PARD3B: variants seen among roughly 807,000 people sequenced by gnomAD.
PARD3B encodes par-3 family cell polarity regulator beta.
In PARD3B, 103 loss-of-function variants were observed where a neutral mutation model predicts 130.2. That is an observed-to-expected ratio of 0.79 (90% confidence interval 0.67 to 0.93). The LOEUF is 0.93. Ranked by LOEUF, PARD3B falls within the 40% of genes least tolerant of loss-of-function variation. The pLI is 0.00. For missense variants in PARD3B, 1,609 were observed against 1,499.2 expected (o/e 1.07, Z -1.21); for synonymous variants, 583 against 553.2 (o/e 1.05, Z -0.76).
At chr2:205,493,724 G>GTATT (rs1013265539) in intron 20 of PARD3B, among the ~76,000 whole-genome samples, 191 of 14,990 alleles carry the variant, frequency 0.013, 1 homozygote, top group Admixed American at 0.036. Context: ...ATTTATGTAT[G>GTATT]TATTTATTTA....
chr2:204,547,857 A>G (rs1195379683), intron 1 of PARD3B, among the ~76,000 whole-genome samples: 1 of 152,196 alleles, frequency 6.6e-6, no homozygotes, highest in Non-Finnish European at 1.5e-5. Flanking sequence ...AAAGGTGTTA[A>G]AATATTGACA....
intron 4 of PARD3B, among the ~76,000 whole-genome samples, chr2:205,092,382 G>A (rs1206213411): frequency 6.6e-6 from 1 of 152,140 alleles, no homozygotes; most frequent in Non-Finnish European, 1.5e-5. Context: ...GGTTGCCGAG[G>A]AAGTGGTTTC....
At position 205,212,349 on chromosome 2, in the gene PARD3B, A is replaced by T. The variant is rs112496480; in HGVS notation, c.2140+19029A>T. Among the ~76,000 whole-genome samples, 1,213 of 152,212 alleles carry T rather than the reference A, an allele frequency of 8.0e-3. 17 individuals are homozygous for T. The highest frequency in any genetic ancestry group is 0.014 in the African/African-American group (570 of 41,562). On this transcript the variant is annotated intron_variant, in intron 15 of 22. Coordinates refer to ENST00000406610, the MANE Select transcript of PARD3B (RefSeq NM_001302769.2). ...TTTCCAGGCTTCAAGAATCTTCAGG[A>T]TGTAATAAATGCAGCATTTCCCAAA...
rs893047833 is a variant in PARD3B at position 205,230,300 on chromosome 2, C to T, written c.2141-15478C>T. 6.6e-6 allele frequency among the ~76,000 whole-genome samples: 1 copy of T among 152,152 alleles called. No homozygotes were observed. The highest frequency in any genetic ancestry group is 1.5e-5 in the Non-Finnish European group (1 of 68,036). On this transcript the variant is annotated intron_variant, in intron 15 of 22. Transcript: ENST00000406610. This position sits in a 1 kb window ranked among gnomAD's most constrained non-coding sequence, Gnocchi z 4.1. ...AAGACCCATGGCAAGTACTGCCTGG[C>T]TACTGCTGCTAATTATTCAGGACCC...
At chr2:204,582,505 C>CCCA (rs2032611558) in intron 1 of PARD3B, among the ~76,000 whole-genome samples, 1 of 151,364 alleles carries the variant, frequency 6.6e-6, no homozygotes, top group South Asian at 2.1e-4. Flanking sequence ...ATTGAGGTTC[C>CCCA]CCCCCCTCAT....
chr2:205,542,585 C>G (rs1306613909), intron 21 of PARD3B, among the ~76,000 whole-genome samples: 1 of 152,080 alleles, frequency 6.6e-6, no homozygotes, highest in Non-Finnish European at 1.5e-5. Context: ...CTGTCTGATT[C>G]CAGCATGAAT....
chr2:204,633,948 G>T (rs2034782127), intron 1 of PARD3B, among the ~76,000 whole-genome samples: 1 of 152,128 alleles, frequency 6.6e-6, no homozygotes, highest in Non-Finnish European at 1.5e-5. Flanking sequence ...GAAGAATGGG[G>T]TATGCATCCC....
At chr2:205,547,663 T>C (rs930865735) in intron 21 of PARD3B, among the ~76,000 whole-genome samples, 12 of 152,114 alleles carry the variant, frequency 7.9e-5, no homozygotes, top group Admixed American at 2.0e-4. Context: ...CCACCTCTCC[T>C]GCCACCAATT....
chr2:205,135,794 C>T (rs2032431846), intron 10 of PARD3B, among the ~76,000 whole-genome samples: 2 of 152,038 alleles, frequency 1.3e-5, no homozygotes, highest in South Asian at 2.1e-4. Context: ...AATCAAACAT[C>T]GCAGGGGTTA....
At chr2:204,601,854 A>G (rs1007134420) in intron 1 of PARD3B, among the ~76,000 whole-genome samples, 2 of 152,022 alleles carry the variant, frequency 1.3e-5, no homozygotes, top group Non-Finnish European at 2.9e-5. Flanking sequence ...TTCTTAAGGA[A>G]TTCTAGGCAT....
At chr2:205,383,138 A>AGATAGATAGATC (rs955641992) in intron 18 of PARD3B, among the ~76,000 whole-genome samples, 99 of 138,538 alleles carry the variant, frequency 7.1e-4, no homozygotes, top group African/African-American at 1.6e-3. Flanking sequence ...ATAGATAGAT[A>AGATAGATAGATC]GATCGATCTA....
intron 21 of PARD3B, among the ~76,000 whole-genome samples, chr2:205,500,980 C>T (rs1161061817): frequency 6.6e-6 from 1 of 152,150 alleles, no homozygotes; most frequent in East Asian, 1.9e-4. Flanking sequence ...CTTTGAAAGG[C>T]AGATCTGTTA....
intron 2 of PARD3B, among the ~76,000 whole-genome samples, chr2:204,760,225 G>A (rs1004330635): frequency 5.9e-5 from 9 of 151,994 alleles, no homozygotes; most frequent in African/African-American, 1.9e-4. Context: ...TACTCAAAGA[G>A]GAAGAATACA....
At position 204,677,117 on chromosome 2, in the gene PARD3B, ACT is replaced by A. The variant is rs972693687; in HGVS notation, c.121-9059_121-9058del. Among the ~76,000 whole-genome samples the A allele has an allele frequency of 6.6e-5, 10 of 151,820 alleles. No individual in the cohort carries two copies. Among genetic ancestry groups the A allele is most frequent in the Non-Finnish European group, 1.5e-4 (10 of 67,960 alleles). On this transcript the variant is annotated intron_variant, in intron 1 of 22. Coordinates refer to ENST00000406610, the MANE Select transcript of PARD3B (RefSeq NM_001302769.2). This position sits in a 1 kb window ranked among gnomAD's most constrained non-coding sequence, Gnocchi z 4.1. ...ATTGGAGATCTCCTATGGTCATTTAACTCTCTGCTGTTACCTCTGTTGTCTCA... is the reference window on the plus strand; with the variant it reads ...ATTGGAGATCTCCTATGGTCATTTAACTCTGCTGTTACCTCTGTTGTCTCA...
intron 10 of PARD3B, among the ~76,000 whole-genome samples, chr2:205,147,181 A>G (rs1413888715): frequency 7.2e-5 from 11 of 152,220 alleles, no homozygotes; most frequent in Non-Finnish European, 1.3e-4. Flanking sequence ...GTATAATTTC[A>G]TATTGTCTGA....
intron 13 of PARD3B, among the ~76,000 whole-genome samples, chr2:205,182,628 G>A (rs1369831710): frequency 6.6e-6 from 1 of 152,152 alleles, no homozygotes; most frequent in Non-Finnish European, 1.5e-5. Flanking sequence ...ATAGTTCATT[G>A]CAAAAGTGGC....
At chr2:205,247,961 C>A (rs2039642264) in intron 16 of PARD3B, among the ~76,000 whole-genome samples, 1 of 152,156 alleles carries the variant, frequency 6.6e-6, no homozygotes, top group Non-Finnish European at 1.5e-5. Context: ...CAGAATCTCT[C>A]TCTGTCACCC....
At chr2:204,784,570 G>A (rs1011582494) in intron 2 of PARD3B, among the ~76,000 whole-genome samples, 2 of 152,052 alleles carry the variant, frequency 1.3e-5, no homozygotes. Context: ...TTTACTTTGG[G>A]GTATTGGAAA....
intron 18 of PARD3B, among the ~76,000 whole-genome samples, chr2:205,389,561 C>T (rs1477036719): frequency 6.6e-6 from 1 of 152,136 alleles, no homozygotes; most frequent in Non-Finnish European, 1.5e-5. Context: ...CAGGGTTTCA[C>T]CATGTTGGCC....
Sources: gnomAD v4.1 joint callset for allele counts (sites outside exome capture counted in the v4.1 genomes callset) on GRCh38, gnomAD v4.1.1 for gene constraint, Gnocchi (gnomAD v3.1) non-coding constraint, MANE v1.5 for transcripts, NCBI Gene and HGNC (gene_info 2026-07-23, HGNC 2026-07-21) for gene names.